Variants in PTPRE observed in about 807,000 individuals in gnomAD.
PTPRE encodes the protein receptor-type tyrosine-protein phosphatase epsilon.
A neutral mutation model predicts 102.0 loss-of-function variants in PTPRE; 51 were observed. The observed-to-expected ratio is 0.50, with a 90% CI of 0.40 to 0.63. The LOEUF is 0.63. Ranked by LOEUF, PTPRE falls within the 30% of genes least tolerant of loss-of-function variation. The pLI is 0.00. For missense variants in PTPRE, 752 were observed against 915.1 expected, an observed-to-expected ratio of 0.82 and a Z score of 2.30; for synonymous variants, 345 against 348.2, an observed-to-expected ratio of 0.99 and a Z score of 0.10.
intron 2 of PTPRE, among the ~76,000 whole-genome samples, chr10:127,988,448 G>A (rs1224733317): frequency 6.6e-6 from 1 of 152,062 alleles, no homozygotes; most frequent in African/African-American, 2.4e-5. Flanking sequence ...TGGGATTACA[G>A]GCACCTGTCA....
intron 1 of PTPRE, among the ~76,000 whole-genome samples, chr10:127,953,895 A>G (rs1465488892): frequency 6.6e-6 from 1 of 152,230 alleles, no homozygotes; most frequent in African/African-American, 2.4e-5. Flanking sequence ...GTGCAATTAT[A>G]TACTGATTCA....
chr10:128,071,340 C>G (rs1217014481), intron 15 of PTPRE: 2 of 193,104 alleles, frequency 1.0e-5, no homozygotes, highest in African/African-American at 4.7e-5. Context: ...CAGCTGAGAC[C>G]ACCTAGGAAA....
At chr10:127,981,815 C>T (rs1297520957) in intron 1 of PTPRE, among the ~76,000 whole-genome samples, 20 of 135,454 alleles carry the variant, frequency 1.5e-4, no homozygotes, top group East Asian at 2.0e-4. Context: ...AGACTCACTC[C>T]GTCTCAAAAA....
chr10:127,992,851 C>T (rs997374256), intron 2 of PTPRE, among the ~76,000 whole-genome samples: 2 of 152,222 alleles, frequency 1.3e-5, no homozygotes, highest in Non-Finnish European at 2.9e-5. Context: ...GGTGCGTGCC[C>T]AGGCATTTGT....
At chr10:127,933,470 A>G (rs1847591375) in intron 1 of PTPRE, among the ~76,000 whole-genome samples, 1 of 152,238 alleles carries the variant, frequency 6.6e-6, no homozygotes, top group African/African-American at 2.4e-5. Flanking sequence ...TCCTGAAAAC[A>G]TAACAGCATG....
chr10:128,066,383 G>A (rs570279618), intron 11 of PTPRE, among the ~76,000 whole-genome samples, 189 bp downstream of exon 11: 21 of 152,338 alleles, frequency 1.4e-4, no homozygotes, highest in Middle Eastern at 6.8e-3. Context: ...ACCAGAGGCC[G>A]GTGCACAAGG....
chr10:128,078,308 G>A (rs992478615), intron 19 of PTPRE, among the ~76,000 whole-genome samples: 1 of 152,242 alleles, frequency 6.6e-6, no homozygotes, highest in African/African-American at 2.4e-5. Context: ...CTGGGCAGGT[G>A]GGACATGCTT....
At chr10:128,019,862 G>A (rs1845726862) in intron 2 of PTPRE, among the ~76,000 whole-genome samples, 3 of 152,256 alleles carry the variant, frequency 2.0e-5, no homozygotes, top group Admixed American at 2.0e-4. Flanking sequence ...CATCTGGGCA[G>A]TGAGGATGGT....
intron 1 of PTPRE, among the ~76,000 whole-genome samples, chr10:127,919,414 G>A (rs942386436): frequency 1.3e-5 from 2 of 152,226 alleles, no homozygotes; most frequent in African/African-American, 4.8e-5. Flanking sequence ...AGCTGCAGAT[G>A]AGGAAAGGGA....
chr10:128,030,852 A>T (rs950640204), intron 2 of PTPRE, among the ~76,000 whole-genome samples: 1 of 151,794 alleles, frequency 6.6e-6, no homozygotes, highest in African/African-American at 2.4e-5. Flanking sequence ...GGACCGGCTG[A>T]CTCCCTTTCT....
chr10:128,000,988 A>C (rs530023134), intron 2 of PTPRE, among the ~76,000 whole-genome samples: 1 of 152,190 alleles, frequency 6.6e-6, no homozygotes, highest in African/African-American at 2.4e-5. Flanking sequence ...TATAAATCTG[A>C]ACTCTGCATG....
rs180817889 is a variant in PTPRE at position 127,999,429 on chromosome 10, T to C, written c.-8+17133T>C. On this transcript the variant is annotated intron_variant, in intron 2 of 20. Transcript: ENST00000254667. ...ACCACGGGGGGAATCATGATCGACA[T>C]TGCTCGTTGTCCTTTCTTCCTCCCT... 1.3e-3 allele frequency: 600 copies of C among 464,000 alleles called. 5 individuals carry two copies. The highest frequency in any genetic ancestry group is 4.2e-3 in the Middle Eastern group (4 of 942). 28.7% of individuals were successfully genotyped at this position (464,000 alleles called of 1,614,324 possible). A position where few individuals can be genotyped will look rare whatever the true frequency, so the allele number is the denominator to read the frequency against.
chr10:128,003,530 G>T (rs1040310210), intron 2 of PTPRE, among the ~76,000 whole-genome samples: 1 of 152,128 alleles, frequency 6.6e-6, no homozygotes, highest in Non-Finnish European at 1.5e-5. Context: ...AAAGAAAGTA[G>T]CATAATAATA....
chr10:128,012,565 G>A (rs1845109444), intron 2 of PTPRE, among the ~76,000 whole-genome samples: 1 of 152,166 alleles, frequency 6.6e-6, no homozygotes, highest in African/African-American at 2.4e-5. Flanking sequence ...GCTGTTGAAC[G>A]CCTGGGTTTC....
chr10:127,960,943 C>T (rs907259397), intron 1 of PTPRE, among the ~76,000 whole-genome samples: 2 of 151,670 alleles, frequency 1.3e-5, no homozygotes, highest in African/African-American at 4.9e-5. Flanking sequence ...ATGGCGTGAA[C>T]CCGGGAGGCA....
At chr10:128,010,765 G>A (rs758717103) in intron 2 of PTPRE, among the ~76,000 whole-genome samples, 18 of 151,986 alleles carry the variant, frequency 1.2e-4, no homozygotes, top group Non-Finnish European at 1.9e-4. Context: ...CTAATTTTTT[G>A]TATTTTTAGT....
At chr10:127,913,501 G>A (rs1846005473) in intron 1 of PTPRE, among the ~76,000 whole-genome samples, 1 of 152,122 alleles carries the variant, frequency 6.6e-6, no homozygotes, top group African/African-American at 2.4e-5. Context: ...AATGACCTCT[G>A]TACTAAGTCC....
At chr10:127,970,965 T>C (rs1329518395) in intron 1 of PTPRE, among the ~76,000 whole-genome samples, 1 of 152,144 alleles carries the variant, frequency 6.6e-6, no homozygotes, top group Non-Finnish European at 1.5e-5. Flanking sequence ...TTCTATGTCA[T>C]TAAAATTAAT....
chr10:127,963,713 C>T (rs986580849), intron 1 of PTPRE, among the ~76,000 whole-genome samples: 5 of 152,000 alleles, frequency 3.3e-5, no homozygotes, highest in Non-Finnish European at 5.9e-5. Flanking sequence ...TGCACACACA[C>T]GTGCACACAC....
Sources: allele counts gnomAD v4.1 joint callset (sites outside exome capture counted in the v4.1 genomes callset), GRCh38; gene constraint gnomAD v4.1.1; transcripts MANE v1.5; gene names NCBI Gene and HGNC (gene_info 2026-07-23, HGNC 2026-07-21).